Variants in ME1 observed in about 807,000 individuals in gnomAD.
ME1 encodes the protein NADP-dependent malic enzyme.
Under a neutral mutation model 66.4 loss-of-function variants are expected in ME1, and 74 were observed. The observed-to-expected ratio is 1.11, with a 90% CI of 0.92 to 1.35. The LOEUF is 1.35. ME1 is among the 40% of genes most tolerant of loss of function. ME1 has a pLI of 0.00. For missense variants in ME1, 750 were observed against 694.1 expected, an observed-to-expected ratio of 1.08 and a Z score of -0.90; for synonymous variants, 251 against 235.6, an observed-to-expected ratio of 1.07 and a Z score of -0.60.
chr6:83,331,962 G>A (rs1768420098), intron 5 of ME1, among the ~76,000 whole-genome samples: 1 of 152,044 alleles, frequency 6.6e-6, no homozygotes, highest in Non-Finnish European at 1.5e-5. Context: ...AAGAAAAACA[G>A]ACATATAATC....
At chr6:83,403,684 A>G (rs1006460494) in intron 2 of ME1, among the ~76,000 whole-genome samples, 32 of 151,918 alleles carry the variant, frequency 2.1e-4, no homozygotes, top group African/African-American at 7.7e-4. Context: ...CTGGTGTGTG[A>G]TGTTCCCCTC....
At chr6:83,309,618 T>C (rs543170503) in intron 6 of ME1, among the ~76,000 whole-genome samples, 13 of 151,932 alleles carry the variant, frequency 8.6e-5, no homozygotes, top group African/African-American at 3.1e-4. Context: ...TGAAGTGGAG[T>C]TTTACCACGT....
chr6:83,239,699 T>G, intron 7 of ME1, 63 bp from the exon 8 acceptor site: 2 of 1,156,346 alleles, frequency 1.7e-6, no homozygotes, highest in Non-Finnish European at 2.6e-6. Flanking sequence ...TTTCAAGCTT[T>G]TATTCACAAC....
intron 7 of ME1, among the ~76,000 whole-genome samples, chr6:83,241,628 A>T (rs1327449303): frequency 2.0e-5 from 3 of 152,162 alleles, no homozygotes; most frequent in Admixed American, 6.5e-5. Context: ...TATTTTTAGC[A>T]CTATCAAAAA....
rs1289563963 is a variant in ME1, at chr6:83,253,746, A to G, written c.705-8T>C. 1 of 1,414,998 alleles carries G rather than the reference A, an allele frequency of 7.1e-7. No homozygotes were observed. Among genetic ancestry groups the G allele is most frequent in the Non-Finnish European group, 1.0e-6 (1 of 1,002,832 alleles). 87.7% of individuals were successfully genotyped at this position (1,414,998 alleles called of 1,614,324 possible). ...AGGCAATTCATGCCATACCTATGGG[A>G]CAAAAACATTCATATTAGAAGAGGT... is the stretch of plus-strand genomic sequence containing the variant. On this transcript the variant is annotated splice_region_variant and splice_polypyrimidine_tract_variant and intron_variant, in intron 6 of 13. Transcript: ENST00000369705.
chr6:83,298,854 T>G (rs1767652684), intron 6 of ME1, among the ~76,000 whole-genome samples: 2 of 151,206 alleles, frequency 1.3e-5, no homozygotes, highest in Admixed American at 1.3e-4. Context: ...TTTGTCAGGC[T>G]TTTTGAAGAT....
intron 6 of ME1, among the ~76,000 whole-genome samples, chr6:83,290,945 CT>C (rs548437686): frequency 2.0e-5 from 3 of 150,454 alleles, no homozygotes; most frequent in Admixed American, 6.6e-5. Flanking sequence ...GCAACCCCTG[CT>C]TTTTTTTTGC....
chr6:83,238,443 C>T (rs1026343730), intron 8 of ME1, among the ~76,000 whole-genome samples: 1 of 152,220 alleles, frequency 6.6e-6, no homozygotes, highest in African/African-American at 2.4e-5. Context: ...ATGAATTCTT[C>T]TGCCTAGTTG....
chr6:83,242,045 T>C (rs1790518421), intron 7 of ME1, among the ~76,000 whole-genome samples: 1 of 152,146 alleles, frequency 6.6e-6, no homozygotes, highest in Non-Finnish European at 1.5e-5. Flanking sequence ...GTATTTTTAG[T>C]AGAGACAGCG....
intron 6 of ME1, among the ~76,000 whole-genome samples, chr6:83,259,526 G>C (rs1489458311): frequency 6.6e-6 from 1 of 152,108 alleles, no homozygotes; most frequent in Non-Finnish European, 1.5e-5. Context: ...GTTTGTACTG[G>C]GGAGATGACA....
At chr6:83,314,905 T>C (rs1160356701) in intron 6 of ME1, among the ~76,000 whole-genome samples, 4 of 152,176 alleles carry the variant, frequency 2.6e-5, no homozygotes, top group African/African-American at 9.7e-5. Flanking sequence ...GGCTGGTGGT[T>C]GACCATAAGA....
chr6:83,242,717 TA>T (rs1343242252), intron 7 of ME1, among the ~76,000 whole-genome samples: 1 of 151,928 alleles, frequency 6.6e-6, no homozygotes, highest in Non-Finnish European at 1.5e-5. Context: ...AGAAAAAAAT[TA>T]AAAAGACTAA....
chr6:83,428,943 T>G (rs2127698903), intron 1 of ME1, among the ~76,000 whole-genome samples: 1 of 152,324 alleles, frequency 6.6e-6, no homozygotes, highest in East Asian at 1.9e-4. Flanking sequence ...AGTAACCTTG[T>G]GAACAGGAGT....
At chr6:83,238,107 A>T (rs1329496966) in intron 8 of ME1, among the ~76,000 whole-genome samples, 1 of 152,180 alleles carries the variant, frequency 6.6e-6, no homozygotes, top group Admixed American at 6.5e-5. Context: ...ACTGAATTCA[A>T]AATAATGAAC....
At chr6:83,391,429 C>T (rs1769618332) in intron 3 of ME1, among the ~76,000 whole-genome samples, 1 of 152,122 alleles carries the variant, frequency 6.6e-6, no homozygotes, top group African/African-American at 2.4e-5. Context: ...TTATTACCCT[C>T]CTAATCTGAA....
At chr6:83,272,711 G>C (rs2128531423) in intron 6 of ME1, among the ~76,000 whole-genome samples, 1 of 152,228 alleles carries the variant, frequency 6.6e-6, no homozygotes, top group African/African-American at 2.4e-5. Flanking sequence ...TAAAACTGAG[G>C]ACATACATCT....
At chr6:83,421,023 GA>G (rs1199272631) in intron 1 of ME1, among the ~76,000 whole-genome samples, 1 of 152,118 alleles carries the variant, frequency 6.6e-6, no homozygotes, top group Non-Finnish European at 1.5e-5. Context: ...TGCAGACAGG[GA>G]GGGGGGGCCC....
chr6:83,242,167 G>C (rs996959216), intron 7 of ME1, among the ~76,000 whole-genome samples: 3 of 152,082 alleles, frequency 2.0e-5, no homozygotes, highest in Non-Finnish European at 2.9e-5. Flanking sequence ...AGCCCCGCCT[G>C]TACTATCAGT....
chr6:83,373,242 G>GT (rs36120982), intron 3 of ME1, among the ~76,000 whole-genome samples: 62,099 of 150,996 alleles, frequency 0.41, 13,406 homozygotes, highest in Middle Eastern at 0.57. Flanking sequence ...ACATGTATTT[G>GT]TTTTTTTTTC....
Sources: gnomAD v4.1 joint callset for allele counts (sites outside exome capture counted in the v4.1 genomes callset) on GRCh38, gnomAD v4.1.1 for gene constraint, MANE v1.5 for transcripts, NCBI Gene and HGNC (gene_info 2026-07-23, HGNC 2026-07-21) for gene names.